The following WWOX variants were observed in gnomAD, a reference collection of about 807,000 sequenced individuals.
WWOX encodes the protein WW domain-containing oxidoreductase.
WWOX carries 69 observed loss-of-function variants against 46.2 expected under a neutral mutation model. The ratio of observed to expected loss-of-function variants is 1.49; its 90% CI spans 1.23 to 1.82. The LOEUF is 1.82. Ranked by LOEUF, WWOX falls within the 40% of genes most tolerant of loss-of-function variation. The pLI, the probability that WWOX is intolerant of heterozygous loss-of-function variation, is 0.00. For missense variants in WWOX, 919 were observed against 542.6 expected, an observed-to-expected ratio of 1.69 and a Z score of -6.89; for synonymous variants, 359 against 202.6, an observed-to-expected ratio of 1.77 and a Z score of -6.56.
At chr16:78,836,231 C>G (rs957313287) in intron 8 of WWOX, among the ~76,000 whole-genome samples, 1 of 151,938 alleles carries the variant, frequency 6.6e-6, no homozygotes, top group Non-Finnish European at 1.5e-5. Context: ...TAATAGCACA[C>G]TGAGGTAGGA....
chr16:78,379,656 A>G (rs1436776553), intron 5 of WWOX, among the ~76,000 whole-genome samples: 6 of 152,196 alleles, frequency 3.9e-5, no homozygotes, highest in African/African-American at 1.4e-4. Flanking sequence ...GTAAGACCCA[A>G]CATGTGGGCA....
At chr16:78,834,495 A>G (rs1291530377) in intron 8 of WWOX, among the ~76,000 whole-genome samples, 1 of 152,176 alleles carries the variant, frequency 6.6e-6, no homozygotes, top group African/African-American at 2.4e-5. Context: ...AAACATAGTA[A>G]GTGAGAAAAG....
intron 5 of WWOX, among the ~76,000 whole-genome samples, chr16:78,180,203 A>G (rs900862797): frequency 6.6e-6 from 1 of 152,208 alleles, no homozygotes; most frequent in Non-Finnish European, 1.5e-5. Context: ...TGATTTGGAA[A>G]ATCTCTAACT....
At chr16:79,211,337 A>G (rs1014839080) in intron 8 of WWOX, among the ~76,000 whole-genome samples, 2 of 152,176 alleles carry the variant, frequency 1.3e-5, no homozygotes, top group African/African-American at 2.4e-5. Context: ...ACGTATTGAT[A>G]TGTGTATTTA....
chr16:78,532,658 A>G (rs1398598088), intron 8 of WWOX, among the ~76,000 whole-genome samples: 1 of 152,206 alleles, frequency 6.6e-6, no homozygotes, highest in Non-Finnish European at 1.5e-5. Context: ...TGGGGAGGCG[A>G]CACAGTGATG....
chr16:78,915,590 T>C (rs1479834122), intron 8 of WWOX, among the ~76,000 whole-genome samples: 2 of 152,180 alleles, frequency 1.3e-5, no homozygotes, highest in Non-Finnish European at 2.9e-5. Flanking sequence ...ACTGTGACAT[T>C]GCTGGTTCCT....
intron 8 of WWOX, among the ~76,000 whole-genome samples, chr16:78,470,590 C>T (rs1691619245): frequency 6.6e-6 from 1 of 152,140 alleles, no homozygotes; most frequent in African/African-American, 2.4e-5. Context: ...AGTGCAATGG[C>T]ACCATCTTGA....
intron 6 of WWOX, among the ~76,000 whole-genome samples, chr16:78,388,183 A>T (rs1476513193): frequency 6.6e-6 from 1 of 152,148 alleles, no homozygotes; most frequent in African/African-American, 2.4e-5. Flanking sequence ...GATGCCTGCC[A>T]CCATGGCCTG....
At chr16:78,351,545 C>G (rs947954710) in intron 5 of WWOX, among the ~76,000 whole-genome samples, 2 of 152,184 alleles carry the variant, frequency 1.3e-5, no homozygotes, top group Admixed American at 1.3e-4. Context: ...GCCTCTGTTT[C>G]TACTCTAAAT....
At chr16:78,850,328 A>G (rs1040060275) in intron 8 of WWOX, among the ~76,000 whole-genome samples, 2 of 152,222 alleles carry the variant, frequency 1.3e-5, no homozygotes, top group Non-Finnish European at 2.9e-5. Context: ...AATATTAGTT[A>G]TAATACATTG....
chr16:78,530,621 A>G (rs570540882), intron 8 of WWOX, among the ~76,000 whole-genome samples: 174 of 152,222 alleles, frequency 1.1e-3, no homozygotes, highest in African/African-American at 4.1e-3. Flanking sequence ...TGGAAAAGGC[A>G]ATATTTGAGT....
At chr16:78,859,598 C>T (rs1238695485) in intron 8 of WWOX, among the ~76,000 whole-genome samples, 1 of 152,006 alleles carries the variant, frequency 6.6e-6, no homozygotes, top group Non-Finnish European at 1.5e-5. Context: ...GGGAAAATAC[C>T]TTCATGTTCA....
chr16:78,479,507 T>C (rs557380680), intron 8 of WWOX, among the ~76,000 whole-genome samples: 2 of 152,362 alleles, frequency 1.3e-5, no homozygotes, highest in African/African-American at 4.8e-5. Context: ...GTGAAGATTA[T>C]GGTTTTTGAA....
chr16:79,076,474 A>T (rs1390643343), intron 8 of WWOX, among the ~76,000 whole-genome samples: 3 of 152,206 alleles, frequency 2.0e-5, no homozygotes, highest in South Asian at 2.1e-4. Flanking sequence ...ATTCAAAAAA[A>T]TGCTGCTGGC....
chr16:78,429,219 G>C (rs1485346688), intron 7 of WWOX, among the ~76,000 whole-genome samples: 1 of 152,192 alleles, frequency 6.6e-6, no homozygotes, highest in Non-Finnish European at 1.5e-5. Context: ...TGACAGAGGA[G>C]CAATGTACAG....
chr16:78,374,338 G>A (rs554668167), intron 5 of WWOX, among the ~76,000 whole-genome samples: 1 of 151,826 alleles, frequency 6.6e-6, no homozygotes, highest in Admixed American at 6.6e-5. Flanking sequence ...TGATTTAATG[G>A]ATCAGTGAAA....
intron 3 of WWOX, among the ~76,000 whole-genome samples, chr16:78,113,365 A>G (rs749499145): frequency 3.3e-5 from 5 of 152,214 alleles, no homozygotes; most frequent in Non-Finnish European, 4.4e-5. Context: ...TTTGCAGGGC[A>G]TATGGTTTCT....
intron 8 of WWOX, among the ~76,000 whole-genome samples, chr16:78,783,221 T>C (rs764169035): frequency 6.6e-6 from 1 of 152,218 alleles, no homozygotes; most frequent in African/African-American, 2.4e-5. Flanking sequence ...AGACTTGACT[T>C]AACTGTTCTC....
chr16:79,036,613 C>T (rs538256720), intron 8 of WWOX, among the ~76,000 whole-genome samples: 1 of 152,302 alleles, frequency 6.6e-6, no homozygotes, highest in Admixed American at 6.5e-5. Context: ...CTATGAAAGG[C>T]TTACCAACTC....
Sources: gnomAD v4.1 joint callset for allele counts (sites outside exome capture counted in the v4.1 genomes callset) on GRCh38, gnomAD v4.1.1 for gene constraint, MANE v1.5 for transcripts, NCBI Gene and HGNC (gene_info 2026-07-23, HGNC 2026-07-21) for gene names.